Variants in CDK14 observed in about 807,000 individuals in gnomAD.
CDK14 encodes the protein cyclin dependent kinase 14, also known as cyclin-dependent kinase 14.
A neutral mutation model predicts 60.7 loss-of-function variants in CDK14; 34 were observed. The ratio of observed to expected loss-of-function variants is 0.56; its 90% CI spans 0.43 to 0.75. The LOEUF is 0.75. CDK14 is among the 30% of genes least tolerant of loss of function. CDK14 has a pLI of 0.00. For missense variants in CDK14, 482 were observed against 564.1 expected, an observed-to-expected ratio of 0.85 and a Z score of 1.47; for synonymous variants, 197 against 203.7, an observed-to-expected ratio of 0.97 and a Z score of 0.28.
chr7:90,599,950 T>G (rs1356331947), intron 1 of CDK14, among the ~76,000 whole-genome samples: 1 of 152,268 alleles, frequency 6.6e-6, no homozygotes, highest in African/African-American at 2.4e-5. Flanking sequence ...TGCTAATGTT[T>G]AATTTGTTTA....
chr7:90,761,425 G>A (rs1331522027), intron 4 of CDK14, among the ~76,000 whole-genome samples: 2 of 151,904 alleles, frequency 1.3e-5, no homozygotes, highest in African/African-American at 4.8e-5. Context: ...CTCTCCCAAA[G>A]TGGTTTTTGA....
intron 2 of CDK14, among the ~76,000 whole-genome samples, chr7:90,605,013 C>T (rs577845396): frequency 1.3e-5 from 2 of 152,294 alleles, no homozygotes; most frequent in Admixed American, 6.5e-5. Context: ...TATATAGGAA[C>T]ATGGGTGTTA....
At chr7:91,046,543 G>A (rs1432042311) in intron 11 of CDK14, among the ~76,000 whole-genome samples, 1 of 151,994 alleles carries the variant, frequency 6.6e-6, no homozygotes, top group Non-Finnish European at 1.5e-5. Flanking sequence ...TAGGTGTCAG[G>A]CGTGAAACTT....
chr7:91,062,160 G>C (rs141142116), intron 11 of CDK14, among the ~76,000 whole-genome samples: 1 of 152,158 alleles, frequency 6.6e-6, no homozygotes, highest in Non-Finnish European at 1.5e-5. Context: ...TGCTGTGCTA[G>C]CAATGACCGA....
chr7:90,776,598 A>G (rs1332827214), intron 4 of CDK14, among the ~76,000 whole-genome samples: 1 of 152,132 alleles, frequency 6.6e-6, no homozygotes, highest in Non-Finnish European at 1.5e-5. Context: ...AAGTGCAAGC[A>G]CTCACCTCCT....
intron 12 of CDK14, among the ~76,000 whole-genome samples, chr7:91,104,660 G>T (rs923656265): frequency 6.6e-6 from 1 of 152,038 alleles, no homozygotes; most frequent in Non-Finnish European, 1.5e-5. Context: ...TATAATTTTG[G>T]CTTTTCCAGA....
intron 2 of CDK14, among the ~76,000 whole-genome samples, chr7:90,674,086 A>G (rs1215551583): frequency 1.3e-5 from 2 of 152,218 alleles, no homozygotes; most frequent in African/African-American, 4.8e-5. Context: ...CTATAGTGAG[A>G]TAGTCTATTG....
intron 10 of CDK14, among the ~76,000 whole-genome samples, chr7:90,996,939 T>C (rs983869639): frequency 6.6e-6 from 1 of 152,238 alleles, no homozygotes; most frequent in Non-Finnish European, 1.5e-5. Context: ...CTGGTAAAGA[T>C]GCAAGAATTG....
chr7:90,767,661 T>C (rs1804618324), intron 4 of CDK14, among the ~76,000 whole-genome samples: 1 of 152,216 alleles, frequency 6.6e-6, no homozygotes, highest in South Asian at 2.1e-4. Context: ...ACCTTTTTAT[T>C]CATTGCCATA....
intron 2 of CDK14, among the ~76,000 whole-genome samples, chr7:90,682,200 C>T (rs1033894530): frequency 3.3e-5 from 5 of 151,808 alleles, no homozygotes; most frequent in Admixed American, 2.6e-4. Flanking sequence ...CTAGTAAGAA[C>T]GTATCCAGTA....
chr7:90,713,465 A>T (rs1584812866), intron 2 of CDK14, among the ~76,000 whole-genome samples: 1 of 106,682 alleles, frequency 9.4e-6, no homozygotes, highest in Admixed American at 9.0e-5. Context: ...CTGTCCTCCT[A>T]ACTGTTTTTC....
At chr7:90,768,584 T>A (rs763661583) in intron 4 of CDK14, among the ~76,000 whole-genome samples, 34 of 152,250 alleles carry the variant, frequency 2.2e-4, no homozygotes, top group Non-Finnish European at 4.1e-4. Context: ...CATTCCATTA[T>A]CTGAAATGAG....
rs747439482 is a variant in CDK14 at position 90,874,503 on chromosome 7, CTTTTTTTTTTTTTTTTTTTTTTTT to C, written c.639+11247_639+11270del. Among the ~76,000 whole-genome samples, 462 of 48,024 alleles carry C rather than the reference CTTTTTTTTTTTTTTTTTTTTTTTT, an allele frequency of 9.6e-3. 7 individuals are homozygous for C. The highest frequency in any genetic ancestry group is 0.029 in the African/African-American group (430 of 14,626). The allele number at this position is 48,024 out of a possible 152,430, so 31.5% of individuals were successfully genotyped here. On this transcript the variant is annotated intron_variant, in intron 6 of 14. Transcript: ENST00000380050. ...ATCTGGAATCTCATGTCCTTTCATC[CTTTTTTTTTTTTTTTTTTTTTTTT>C]TTTTTTTTTTTTGAGACGGAGTCTC...
intron 11 of CDK14, among the ~76,000 whole-genome samples, chr7:91,075,056 A>G (rs577350053): frequency 6.6e-6 from 1 of 152,342 alleles, no homozygotes; most frequent in South Asian, 2.1e-4. Context: ...AAATTCTACC[A>G]GAGATACAGA....
chr7:91,202,303 T>G (rs576455823), intron 14 of CDK14, among the ~76,000 whole-genome samples: 1 of 152,348 alleles, frequency 6.6e-6, no homozygotes, highest in East Asian at 1.9e-4. Context: ...AAATCCAATT[T>G]CTTGTTTAAA....
intron 8 of CDK14, among the ~76,000 whole-genome samples, chr7:90,936,146 C>G (rs1007104637): frequency 1.3e-5 from 2 of 151,832 alleles, no homozygotes; most frequent in Non-Finnish European, 2.9e-5. Flanking sequence ...TATGTACTTA[C>G]GTAACAATAT....
chr7:90,680,796 T>C (rs1298424663), intron 2 of CDK14, among the ~76,000 whole-genome samples: 1 of 152,228 alleles, frequency 6.6e-6, no homozygotes, highest in African/African-American at 2.4e-5. Flanking sequence ...TATTATTTTA[T>C]TGACCTGTTT....
intron 2 of CDK14, among the ~76,000 whole-genome samples, chr7:90,628,449 T>G (rs927609946): frequency 6.6e-6 from 1 of 152,124 alleles, no homozygotes; most frequent in Non-Finnish European, 1.5e-5. Context: ...TTTCAGCCAT[T>G]GAGGGTCCAT....
chr7:90,703,489 T>C (rs1801832748), intron 2 of CDK14, among the ~76,000 whole-genome samples: 1 of 152,142 alleles, frequency 6.6e-6, no homozygotes, highest in Non-Finnish European at 1.5e-5. Flanking sequence ...AAATAAGTAA[T>C]AAATACATAA....
Sources: gnomAD v4.1 joint callset for allele counts (sites outside exome capture counted in the v4.1 genomes callset) on GRCh38, gnomAD v4.1.1 for gene constraint, MANE v1.5 for transcripts, NCBI Gene and HGNC (gene_info 2026-07-23, HGNC 2026-07-21) for gene names.